SELENOI: variants seen among roughly 807,000 people sequenced by gnomAD.
The protein encoded by SELENOI is ethanolaminephosphotransferase 1.
SELENOI carries 24 observed loss-of-function variants against 50.7 expected under a neutral mutation model. That is an observed-to-expected ratio of 0.47 (90% CI 0.34 to 0.67). The LOEUF (loss-of-function observed/expected upper bound fraction) is 0.67, where lower values mean the gene tolerates loss of function less well. Among genes scored for constraint, SELENOI ranks in the 30% least tolerant of loss-of-function variants. The pLI, the probability that SELENOI is intolerant of heterozygous loss-of-function variation, is 0.01. For synonymous variants in SELENOI, 155 were observed against 170.2 expected (o/e 0.91, Z 0.70); for missense variants, 352 against 461.4 (o/e 0.76, Z 2.17).
In SELENOI at chr2:26,392,879, A is replaced by G. The variant is rs1351882538; in HGVS notation, c.*3776A>G. On this transcript the variant is annotated 3_prime_UTR_variant, in exon 10 of 10. Coordinates refer to ENST00000260585, the MANE Select transcript of SELENOI (RefSeq NM_033505.4). ...TAAGTCAGCATGCTCTTGCTTGAACACCCTGTGGGTGAATAACTTTAGTAA... is the reference window on the plus strand; with the variant it reads ...TAAGTCAGCATGCTCTTGCTTGAACGCCCTGTGGGTGAATAACTTTAGTAA... The G allele has an allele frequency of 6.6e-6, 1 of 152,174 alleles. No individual in the cohort carries two copies. Among genetic ancestry groups the G allele is most frequent in the African/African-American group, 2.4e-5 (1 of 41,446 alleles). 9.4% of individuals were successfully genotyped at this position (152,174 alleles called of 1,614,324 possible).
rs1229957539 is a variant in SELENOI at position 26,364,304 on chromosome 2, C to T, written c.60C>T (p.Tyr20=). 1 of 1,549,374 alleles carries T rather than the reference C, an allele frequency of 6.5e-7. No individual in the cohort carries two copies. The highest frequency in any genetic ancestry group is 8.8e-7 in the Non-Finnish European group (1 of 1,141,606). The change falls in exon 2 of 10, where the codon TAC becomes TAT. Residue 20 remains tyrosine, a splice_region_variant and synonymous_variant. Coordinates refer to ENST00000260585, the MANE Select transcript of SELENOI (RefSeq NM_033505.4). ...EQLAGFDKYK[Y]SAVDTNPLSL... The stretch of plus-strand genomic sequence containing the variant: ...TATTTTCTTTCATTTCTTAACAGTA[C>T]AGTGCTGTGGATACCAATCCACTTT...
chr2:26,371,672 A>C (rs1323636937), intron 4 of SELENOI, among the ~76,000 whole-genome samples: 1 of 152,242 alleles, frequency 6.6e-6, no homozygotes, highest in Non-Finnish European at 1.5e-5. Flanking sequence ...CAGCCCGGCC[A>C]ACACAGCGAA....
chr2:26,367,964 C>G (rs1677319791), intron 4 of SELENOI, among the ~76,000 whole-genome samples: 1 of 152,198 alleles, frequency 6.6e-6, no homozygotes, highest in African/African-American at 2.4e-5. Flanking sequence ...TCTCTCTTTT[C>G]TAACTAAAAC....
At position 26,383,308 on chromosome 2, in the gene SELENOI, T is replaced by A; in HGVS notation, c.692T>A (p.Leu231Ter). The A allele has an allele frequency of 6.5e-7, 1 of 1,537,452 alleles. No homozygotes were observed. Among genetic ancestry groups the A allele is most frequent in the Non-Finnish European group, 8.8e-7 (1 of 1,131,800 alleles). The change falls in exon 7 of 10, where the codon TTA becomes TAA. Residue 231 changes from leucine (L) to a stop codon, truncating the protein, a stop_gained. Transcript: ENST00000260585. LOFTEE classifies it high-confidence loss of function. Reference sequence around the variant, plus strand: ...TAATTATTCCCTTTAGGTTGTGCATTATGTGTGACTCTTCCAATGAGTTTA... The same window carrying A: ...TAATTATTCCCTTTAGGTTGTGCATAATGTGTGACTCTTCCAATGAGTTTA... ...LFTAMIIGCA[L>*]CVTLPMSLLN... is the part of the protein sequence containing the mutation.
intron 8 of SELENOI, among the ~76,000 whole-genome samples, chr2:26,385,808 A>G (rs956673398): frequency 1.3e-5 from 2 of 152,124 alleles, no homozygotes; most frequent in African/African-American, 4.8e-5. Flanking sequence ...AGTCTTGCTG[A>G]TTTTATAGGG....
chr2:26,386,221 G>T, intron 8 of SELENOI, 133 bp from the exon 9 acceptor site: 3 of 925,498 alleles, frequency 3.2e-6, no homozygotes, highest in Non-Finnish European at 4.8e-6. Context: ...GAGAACTTCT[G>T]AACTTAGATA....
At chr2:26,383,861 G>A (rs559388155) in intron 7 of SELENOI, among the ~76,000 whole-genome samples, 1 of 152,080 alleles carries the variant, frequency 6.6e-6, no homozygotes, top group East Asian at 1.9e-4. Flanking sequence ...GCAACAGAGC[G>A]AGACTCTGTC....
intron 1 of SELENOI, among the ~76,000 whole-genome samples, chr2:26,360,323 C>CT (rs1307781512): frequency 6.6e-6 from 1 of 152,174 alleles, no homozygotes; most frequent in Admixed American, 6.5e-5. Context: ...ATCTATTAAT[C>CT]TTTCTTCCTG....
rs1190780027 is a variant in SELENOI, at chr2:26,372,872, CT to C, written c.311-494del. Among the ~76,000 whole-genome samples the C allele has an allele frequency of 4.6e-5, 7 of 152,162 alleles. No homozygotes were observed. In the East Asian group the frequency reaches 1.4e-3, roughly 29 times the overall value. On this transcript the variant is annotated intron_variant, in intron 4 of 9. Transcript: ENST00000260585. ...CTTTGAAGAATTATATATTTTATTT[CT>C]GAAATCTTTGTTTTTTGTTTAAAAT...
chr2:26,388,147 A>G (rs1330841053), intron 9 of SELENOI, among the ~76,000 whole-genome samples: 2 of 152,326 alleles, frequency 1.3e-5, no homozygotes, highest in African/African-American at 4.8e-5. Context: ...AACCTTATAT[A>G]CCTTATATCA....
chr2:26,382,975 G>T (rs1558421727), intron 6 of SELENOI, among the ~76,000 whole-genome samples: 1 of 152,098 alleles, frequency 6.6e-6, no homozygotes, highest in South Asian at 2.1e-4. Flanking sequence ...AAAGCTCTGT[G>T]GGGTTGGTAC....
chr2:26,365,333 C>G (rs528643772), intron 3 of SELENOI, among the ~76,000 whole-genome samples: 1 of 151,824 alleles, frequency 6.6e-6, no homozygotes, highest in South Asian at 2.1e-4. Flanking sequence ...CTAGTTTCCT[C>G]TGAAAATGAT....
intron 1 of SELENOI, among the ~76,000 whole-genome samples, chr2:26,363,841 A>G (rs1193232942): frequency 6.6e-6 from 1 of 152,056 alleles, no homozygotes; most frequent in Non-Finnish European, 1.5e-5. Context: ...GGCTTGGCTC[A>G]CTGCAACCTT....
intron 4 of SELENOI, among the ~76,000 whole-genome samples, chr2:26,369,182 G>A (rs76057980): frequency 1.3e-5 from 2 of 152,116 alleles, no homozygotes; most frequent in Admixed American, 6.5e-5. Context: ...GTATTCTACT[G>A]TGCTTTATCC....
rs182108745 is a variant in SELENOI at position 26,361,203 on chromosome 2, G to T, written c.58-3099G>T. The stretch of plus-strand genomic sequence containing the variant: ...CACTCCAGCCTGGGAGACAGAGTGA[G>T]ACTCCGTCTCAAAAAGTATATGGGA... On this transcript the variant is annotated intron_variant, in intron 1 of 9. Coordinates refer to ENST00000260585, the MANE Select transcript of SELENOI (RefSeq NM_033505.4). Among the ~76,000 whole-genome samples the T allele has an allele frequency of 2.0e-3, 311 of 152,292 alleles. 4 individuals are homozygous for T. Among genetic ancestry groups the T allele is most frequent in the African/African-American group, 6.9e-3 (285 of 41,552 alleles).
Position 26,346,208 on chromosome 2 carries a change from G to C in SELENOI, c.-25G>C, listed in dbSNP as rs1328849701. On this transcript the variant is annotated 5_prime_UTR_variant, in exon 1 of 10. Coordinates refer to ENST00000260585, the MANE Select transcript of SELENOI (RefSeq NM_033505.4). Reference sequence around the variant, plus strand: ...CCTTGTAGCCGGGAGTCGCTGCCGAGTGGGCGCTCAGTTTTCGGGTCGTCA... The same window carrying C: ...CCTTGTAGCCGGGAGTCGCTGCCGACTGGGCGCTCAGTTTTCGGGTCGTCA... The C allele has an allele frequency of 1.9e-6, 3 of 1,613,624 alleles. No individual in the cohort carries two copies. Among genetic ancestry groups the C allele is most frequent in the Non-Finnish European group, 2.5e-6 (3 of 1,179,668 alleles).
intron 1 of SELENOI, among the ~76,000 whole-genome samples, chr2:26,349,393 G>A (rs1253948361): frequency 2.0e-5 from 3 of 149,312 alleles, no homozygotes; most frequent in South Asian, 2.1e-4. Flanking sequence ...TGCAGCCTCC[G>A]CCTCCCGGGT....
chr2:26,389,175 T>G lies in SELENOI; in HGVS notation c.*72T>G. The G allele has an allele frequency of 8.9e-7, 1 of 1,128,164 alleles. No homozygotes were observed. Among genetic ancestry groups the G allele is most frequent in the South Asian group, 1.3e-5 (1 of 74,322 alleles). The allele number at this position is 1,128,164 out of a possible 1,614,324, so 69.9% of individuals were successfully genotyped here. ...AATATTTCCTCCATCACCATTGAAC[T>G]AGACTGATCTGCTTGACAGACGTGG... On this transcript the variant is annotated 3_prime_UTR_variant, in exon 10 of 10. Coordinates refer to ENST00000260585, the MANE Select transcript of SELENOI (RefSeq NM_033505.4).
chr2:26,370,789 G>T (rs1574757627), intron 4 of SELENOI, among the ~76,000 whole-genome samples: 1 of 139,436 alleles, frequency 7.2e-6, no homozygotes, highest in South Asian at 2.3e-4. Context: ...CGGGCAGAGG[G>T]GCTCCTCACC....
Sources: gnomAD v4.1 joint callset for allele counts (sites outside exome capture counted in the v4.1 genomes callset) on GRCh38, gnomAD v4.1.1 for gene constraint, MANE v1.5 for transcripts, NCBI Gene and HGNC (gene_info 2026-07-23, HGNC 2026-07-21) for gene names.